Variants in INTU observed in about 807,000 individuals in gnomAD.
INTU encodes protein inturned.
Under a neutral mutation model 100.5 loss-of-function variants are expected in INTU, and 68 were observed. That is an observed-to-expected ratio of 0.68 (90% CI 0.56 to 0.83). The LOEUF (loss-of-function observed/expected upper bound fraction) is 0.83, where lower values mean the gene tolerates loss of function less well. Ranked by LOEUF, INTU falls within the 40% of genes least tolerant of loss-of-function variation. The pLI, the probability that INTU is intolerant of heterozygous loss-of-function variation, is 0.00. For synonymous variants in INTU, 357 were observed against 395.7 expected (o/e 0.90, Z 1.16); for missense variants, 1,071 against 1,114.7 (o/e 0.96, Z 0.56).
At chr4:127,638,304 T>G (rs1025577805) in intron 1 of INTU, among the ~76,000 whole-genome samples, 4 of 152,180 alleles carry the variant, frequency 2.6e-5, no homozygotes, top group African/African-American at 7.2e-5. Context: ...TTCGGTAAAG[T>G]GCATTGTGCT....
intron 2 of INTU, among the ~76,000 whole-genome samples, chr4:127,645,926 T>G (rs1727563262): frequency 6.6e-6 from 1 of 151,860 alleles, no homozygotes; most frequent in African/African-American, 2.4e-5. Flanking sequence ...CTAACACTTG[T>G]AATCCCAGCA....
intron 8 of INTU, among the ~76,000 whole-genome samples, chr4:127,691,596 T>C (rs1321038236): frequency 6.6e-6 from 1 of 151,282 alleles, no homozygotes; most frequent in Non-Finnish European, 1.5e-5. Context: ...CTTTGGCCCA[T>C]TTTTTTTTAA....
At chr4:127,713,099 G>C (rs1030256095) in intron 14 of INTU, among the ~76,000 whole-genome samples, 2 of 152,224 alleles carry the variant, frequency 1.3e-5, no homozygotes, top group Non-Finnish European at 2.9e-5. Context: ...TTCTGAAAGA[G>C]ATGATACATT....
intron 6 of INTU, among the ~76,000 whole-genome samples, chr4:127,679,781 C>CA (rs534604155): frequency 5.3e-5 from 8 of 151,476 alleles, no homozygotes; most frequent in Non-Finnish European, 1.2e-4. Context: ...AATAGAGACA[C>CA]AAAAAACCCT....
At chr4:127,713,632 T>C (rs989039443) in intron 14 of INTU, among the ~76,000 whole-genome samples, 1 of 152,170 alleles carries the variant, frequency 6.6e-6, no homozygotes, top group Admixed American at 6.5e-5. Context: ...AGCTTATAAT[T>C]TTCTATCTTC....
Position 127,663,536 on chromosome 4 carries a change from C to T in INTU, c.924C>T (p.Ile308=). 2 of 1,613,404 alleles carry T rather than the reference C, an allele frequency of 1.2e-6. No individual in the cohort carries two copies. The highest frequency in any genetic ancestry group is 1.7e-6 in the Non-Finnish European group (2 of 1,179,544). Residue 308 remains isoleucine, a synonymous_variant, in exon 4 of 16, where the codon ATC becomes ATT. Transcript: ENST00000335251. ...IQQSGLNTPH[I]IMYLTLQLDS... ...AGAGTGGCCTAAACACTCCTCATAT[C>T]ATTATGTATCTCACACTACAGCTCG... is the stretch of plus-strand genomic sequence containing the variant.
intron 5 of INTU, 122 bp from the exon 6 acceptor site, chr4:127,674,002 G>T: frequency 2.0e-6 from 1 of 496,736 alleles, no homozygotes; most frequent in South Asian, 5.8e-5. Flanking sequence ...AATATGAAAA[G>T]AAATCACTTA....
chr4:127,684,452 CA>C lies in INTU; in HGVS notation c.1228del (p.Thr410ProfsTer2). 1 of 1,601,420 alleles carries C rather than the reference CA, an allele frequency of 6.2e-7. No homozygotes were observed. The highest frequency in any genetic ancestry group is 8.5e-7 in the Non-Finnish European group (1 of 1,173,522). ...RLRNMIENVI[Q>X]TLKFMYGSLD... ...AAGGAACATGATAGAAAATGTCATC[CA>C]AACCTTAAAATTTATGTATGGTTCT... is the stretch of plus-strand genomic sequence containing the variant. On this transcript the variant is annotated frameshift_variant, in exon 7 of 16. Transcript: ENST00000335251. LOFTEE classifies it high-confidence loss of function.
chr4:127,679,123 A>G (rs2126220035), intron 6 of INTU, among the ~76,000 whole-genome samples: 1 of 151,826 alleles, frequency 6.6e-6, no homozygotes, highest in African/African-American at 2.4e-5. Context: ...GTGACCTACA[A>G]AGAGACTTAG....
intron 8 of INTU, among the ~76,000 whole-genome samples, chr4:127,692,911 T>C (rs1730215152): frequency 6.6e-6 from 1 of 152,206 alleles, no homozygotes; most frequent in African/African-American, 2.4e-5. Context: ...TTTGGCTTTA[T>C]TTCTGGGTTC....
At chr4:127,665,145 T>G (rs181527773) in intron 4 of INTU, among the ~76,000 whole-genome samples, 1 of 151,042 alleles carries the variant, frequency 6.6e-6, no homozygotes, top group African/African-American at 2.4e-5. Context: ...TGCTATCTCT[T>G]TTCTCCATCA....
At chr4:127,642,233 T>C (rs765556426) in intron 1 of INTU, among the ~76,000 whole-genome samples, 5 of 152,164 alleles carry the variant, frequency 3.3e-5, no homozygotes, top group Non-Finnish European at 7.4e-5. Context: ...GATATTTGGT[T>C]GATAATCTGC....
At chr4:127,666,613 A>G (rs1728709544) in intron 4 of INTU, among the ~76,000 whole-genome samples, 1 of 152,050 alleles carries the variant, frequency 6.6e-6, no homozygotes. Flanking sequence ...CCCACCACTC[A>G]ACACTCCCAG....
chr4:127,665,305 G>A (rs1728648313), intron 4 of INTU, among the ~76,000 whole-genome samples: 1 of 150,418 alleles, frequency 6.6e-6, no homozygotes, highest in African/African-American at 2.4e-5. Context: ...TAAATATTAT[G>A]TATTTCATAC....
chr4:127,662,865 T>C (rs1728532181), intron 3 of INTU, among the ~76,000 whole-genome samples: 1 of 152,206 alleles, frequency 6.6e-6, no homozygotes, highest in South Asian at 2.1e-4. Flanking sequence ...TTGGCCTTTG[T>C]TTTAAAGAAC....
chr4:127,706,295 A>AT (rs893264777), intron 11 of INTU, among the ~76,000 whole-genome samples, 192 bp from the exon 12 acceptor site: 6 of 152,232 alleles, frequency 3.9e-5, no homozygotes, highest in Admixed American at 1.3e-4. Context: ...GCAATGTAAG[A>AT]TTGTTTTCAA....
intron 8 of INTU, 80 bp from the exon 9 acceptor site, chr4:127,699,930 A>T (rs1730570970): frequency 4.1e-6 from 4 of 977,290 alleles, no homozygotes; most frequent in Admixed American, 2.7e-5. Flanking sequence ...GTAATTAAGC[A>T]CTTTTTATAT....
At chr4:127,690,226 A>G (rs1730055694) in intron 8 of INTU, among the ~76,000 whole-genome samples, 2 of 152,206 alleles carry the variant, frequency 1.3e-5, no homozygotes, top group African/African-American at 4.8e-5. Flanking sequence ...TTTAGCATAT[A>G]TTTCTTTAAA....
Position 127,680,371 on chromosome 4 carries a change from C to A in INTU, c.1182-4038C>A, listed in dbSNP as rs1485065855. Among the ~76,000 whole-genome samples, 106 of 142,804 alleles carry A rather than the reference C, an allele frequency of 7.4e-4. 1 individual carries two copies. The highest frequency in any genetic ancestry group is 2.4e-3 in the African/African-American group (92 of 38,448). The allele number at this position is 142,804 out of a possible 152,430, so 93.7% of individuals were successfully genotyped here. A position where few individuals can be genotyped will look rare whatever the true frequency, so the allele number is the denominator to read the frequency against. The stretch of plus-strand genomic sequence containing the variant: ...AAATCCTCAATAAAATACTGGCAAA[C>A]CGAATCCAGCAGCACATCAAAAAGC... On this transcript the variant is annotated intron_variant, in intron 6 of 15. Transcript: ENST00000335251.
Sources: allele counts gnomAD v4.1 joint callset (sites outside exome capture counted in the v4.1 genomes callset), GRCh38; gene constraint gnomAD v4.1.1; transcripts MANE v1.5; gene names NCBI Gene and HGNC (gene_info 2026-07-23, HGNC 2026-07-21).